The following PSMD7 variants were observed in gnomAD, a reference collection of about 807,000 sequenced individuals.
PSMD7 encodes 26S proteasome non-ATPase regulatory subunit 7.
PSMD7 carries 13 observed loss-of-function variants against 36.4 expected under a neutral mutation model. The ratio of observed to expected loss-of-function variants is 0.36; its 90% CI spans 0.23 to 0.57. PSMD7 has a LOEUF of 0.57. PSMD7 is among the 20% of genes least tolerant of loss of function. The pLI is 0.83. For missense variants in PSMD7, 298 were observed against 393.6 expected (o/e 0.76, Z 2.06); for synonymous variants, 186 against 151.0 (o/e 1.23, Z -1.70).
At chr16:74,298,821 C>T (rs990477145) in intron 1 of PSMD7, among the ~76,000 whole-genome samples, 4 of 152,048 alleles carry the variant, frequency 2.6e-5, no homozygotes, top group Non-Finnish European at 4.4e-5. Flanking sequence ...CTGCAGTGAG[C>T]GAAGATCACA....
Position 74,305,605 on chromosome 16 carries a change from C to T in PSMD7, c.847C>T (p.Arg283Trp), listed in dbSNP as rs200912734. The T allele has an allele frequency of 1.9e-6, 3 of 1,597,920 alleles. No homozygotes were observed. The highest frequency in any genetic ancestry group is 2.2e-5 in the East Asian group (1 of 44,474). ...CCTCATCAACAACAAGATTGCCAAC[C>T]GGGATGCAGAGAAGAAAGAAGGGCA... ...HNLINNKIAN[R>W]DAEKKEGQEK... The change falls in exon 7 of 7, where the codon CGG becomes TGG. Residue 283 changes from arginine (R) to tryptophan (W), a missense_variant. Coordinates refer to ENST00000219313, the MANE Select transcript of PSMD7 (RefSeq NM_002811.5).
At chr16:74,300,085 T>A (rs1450718517) in intron 1 of PSMD7, 30 bp from the exon 2 acceptor site, 1 of 1,588,434 alleles carries the variant, frequency 6.3e-7, no homozygotes. Context: ...TGCGAGCCTA[T>A]CCACACTGAC....
Position 74,305,805 on chromosome 16 carries a change from G to GTTCT in PSMD7, c.*75_*78dup. ...AACTAAATCAGTGTGCTGCTAGAGG[G>GTTCT]TTCTTTTTCACTTGACATGCTTATT... On this transcript the variant is annotated 3_prime_UTR_variant, in exon 7 of 7. Transcript: ENST00000219313. 1 of 1,368,954 alleles carries GTTCT rather than the reference G, an allele frequency of 7.3e-7. No homozygotes were observed. The highest frequency in any genetic ancestry group is 9.4e-7 in the Non-Finnish European group (1 of 1,064,020). The allele number at this position is 1,368,954 out of a possible 1,614,324, so 84.8% of individuals were successfully genotyped here.
At chr16:74,298,041 C>G (rs1042053891) in intron 1 of PSMD7, among the ~76,000 whole-genome samples, 1 of 151,734 alleles carries the variant, frequency 6.6e-6, no homozygotes, top group African/African-American at 2.4e-5. Flanking sequence ...GCCTGTAATC[C>G]CAGCATTTTG....
rs1371938944 is a variant in PSMD7, at chr16:74,296,940, T to C, written c.26T>C (p.Val9Ala). The C allele has an allele frequency of 1.2e-6, 2 of 1,613,142 alleles. No homozygotes were observed. Among genetic ancestry groups the C allele is most frequent in the African/African-American group, 1.3e-5 (1 of 74,876 alleles). The part of the protein sequence containing the change: MPELAVQK[V>A]VVHPLVLLSV... ...ATGCCGGAGCTGGCAGTGCAGAAGG[T>C]GGTGGTCCACCCCCTGGTGCTGCTC... is the stretch of plus-strand genomic sequence containing the variant. Residue 9 changes from valine (V) to alanine (A), a missense_variant, in exon 1 of 7, where the codon GTG becomes GCG. Transcript: ENST00000219313.
Position 74,305,527 on chromosome 16 carries a change from A to C in PSMD7, c.769A>C (p.Met257Leu). Residue 257 changes from methionine to leucine, a missense_variant, in exon 7 of 7, where the codon ATG (methionine) becomes CTG (leucine). Met to Leu is a conservative substitution (Grantham distance 15). Transcript: ENST00000219313. ...CTTTTACCTGAAGACCAATGACCAG[A>C]TGGTGGTAGTGTACTTGGCCTCGCT... ...KAFYLKTNDQ[M>L]VVVYLASLIR... is the part of the protein sequence containing the mutation. The C allele has an allele frequency of 6.2e-7, 1 of 1,614,142 alleles. No homozygotes were observed. Among genetic ancestry groups the C allele is most frequent in the South Asian group, 1.1e-5 (1 of 91,076 alleles).
intron 1 of PSMD7, 105 bp downstream of exon 1, chr16:74,297,093 G>A (rs1326498891): frequency 1.6e-6 from 2 of 1,249,824 alleles, no homozygotes; most frequent in Non-Finnish European, 2.3e-6. Flanking sequence ...CGCAGATAGG[G>A]CGGCTGGTGA....
chr16:74,305,192 C>A, intron 6 of PSMD7, 97 bp from the exon 7 acceptor site: 1 of 1,406,240 alleles, frequency 7.1e-7, no homozygotes. Context: ...TTGCCTCACC[C>A]AACAAAGCTA....
At position 74,302,856 on chromosome 16, in the gene PSMD7, A is replaced by G. The variant is rs1367354845; in HGVS notation, c.438+564A>G. Among the ~76,000 whole-genome samples the G allele has an allele frequency of 3.9e-5, 6 of 152,202 alleles. No homozygotes were observed. In the South Asian group the frequency reaches 8.3e-4, roughly 21 times the overall value. ...ATTTATCCTTACTTTCAGTTTTAAG[A>G]TTTAGAAAAGGGTATTTTAGGATAG... On this transcript the variant is annotated intron_variant, in intron 5 of 6. Coordinates refer to ENST00000219313, the MANE Select transcript of PSMD7 (RefSeq NM_002811.5).
chr16:74,301,493 T>C (rs2034154725), intron 3 of PSMD7, 62 bp from the exon 4 acceptor site: 1 of 1,242,382 alleles, frequency 8.0e-7, no homozygotes, highest in East Asian at 2.3e-5. Context: ...CTTATCCTTT[T>C]TGAGGGAGTT....
Position 74,296,840 on chromosome 16 carries a change from G to A in PSMD7, c.-75G>A, listed in dbSNP as rs1024195069. The A allele has an allele frequency of 2.0e-6, 3 of 1,507,804 alleles. No individual in the cohort carries two copies. The highest frequency in any genetic ancestry group is 2.3e-5 in the East Asian group (1 of 43,666). The allele number at this position is 1,507,804 out of a possible 1,614,324, so 93.4% of individuals were successfully genotyped here. ...GAAGAAGAGGAACTGGGCCTGAAAG[G>A]GTACCGGTGACCGCTACTGCTGCCG... On this transcript the variant is annotated 5_prime_UTR_variant, in exon 1 of 7. Transcript: ENST00000219313.
At chr16:74,302,407 GT>G (rs906969089) in intron 5 of PSMD7, 115 bp downstream of exon 5, 1 of 849,474 alleles carries the variant, frequency 1.2e-6, no homozygotes, top group Non-Finnish European at 1.8e-6. Context: ...AAAGAAGGTA[GT>G]TTTTTTCCCT....
At chr16:74,302,157 T>C in intron 4 of PSMD7, 55 bp from the exon 5 acceptor site, 1 of 1,376,542 alleles carries the variant, frequency 7.3e-7, no homozygotes. Flanking sequence ...ATGCCTGAAA[T>C]TACCCCTTTT....
chr16:74,297,046 G>T, intron 1 of PSMD7, 58 bp downstream of exon 1: 2 of 1,562,778 alleles, frequency 1.3e-6, no homozygotes, highest in Non-Finnish European at 1.7e-6. Flanking sequence ...TCACGGGCAC[G>T]CTGGAGATGG....
chr16:74,303,274 A>T (rs1364051155), intron 5 of PSMD7, among the ~76,000 whole-genome samples: 2 of 152,232 alleles, frequency 1.3e-5, no homozygotes, highest in African/African-American at 2.4e-5. Context: ...TAAATAAAAT[A>T]ATCACGGCTA....
intron 5 of PSMD7, 57 bp downstream of exon 5, chr16:74,302,349 C>CTTT: frequency 8.0e-7 from 1 of 1,256,974 alleles, no homozygotes; most frequent in Non-Finnish European, 1.1e-6. Context: ...GGGTGATTAG[C>CTTT]TTTTTTTTTT....
chr16:74,305,627 G>T lies in PSMD7; in HGVS notation c.869G>T (p.Gly290Val). The change falls in exon 7 of 7, where the codon GGG becomes GTG. Residue 290 changes from glycine to valine, a missense_variant. Transcript: ENST00000219313. ...IANRDAEKKE[G>V]QEKEESKKDR... is the part of the protein sequence containing the mutation. The stretch of plus-strand genomic sequence containing the variant: ...AACCGGGATGCAGAGAAGAAAGAAG[G>T]GCAGGAGAAAGAAGAGAGCAAAAAG... 5 of 1,591,766 alleles carry T rather than the reference G, an allele frequency of 3.1e-6. No homozygotes were observed. Among genetic ancestry groups the T allele is most frequent in the Non-Finnish European group, 4.3e-6 (5 of 1,163,792 alleles).
intron 1 of PSMD7, among the ~76,000 whole-genome samples, chr16:74,298,084 G>C (rs1003765133): frequency 6.6e-6 from 1 of 151,062 alleles, no homozygotes; most frequent in Non-Finnish European, 1.5e-5. Flanking sequence ...CTTGAGCCCA[G>C]GAGTTCGAAG....
intron 1 of PSMD7, among the ~76,000 whole-genome samples, chr16:74,298,942 T>C (rs111246351): frequency 0.022 from 3,404 of 152,222 alleles, 71 homozygotes; most frequent in African/African-American, 0.056. Context: ...AAATGGACTT[T>C]GGTAGACCAA....
Sources: gnomAD v4.1 joint callset for allele counts (sites outside exome capture counted in the v4.1 genomes callset) on GRCh38, gnomAD v4.1.1 for gene constraint, MANE v1.5 for transcripts, NCBI Gene and HGNC (gene_info 2026-07-23, HGNC 2026-07-21) for gene names.